Variants in RHOBTB1 observed in about 807,000 individuals in gnomAD.
The protein encoded by RHOBTB1 is rho-related BTB domain-containing protein 1.
A neutral mutation model predicts 71.6 loss-of-function variants in RHOBTB1; 40 were observed. The observed-to-expected ratio is 0.56, with a 90% confidence interval of 0.43 to 0.73. The LOEUF (loss-of-function observed/expected upper bound fraction) is 0.73, where lower values mean the gene tolerates loss of function less well. Ranked by LOEUF, RHOBTB1 falls within the 30% of genes least tolerant of loss-of-function variation. The pLI is 0.00. For synonymous variants in RHOBTB1, 319 were observed against 334.9 expected (o/e 0.95, Z 0.52); for missense variants, 797 against 894.0 (o/e 0.89, Z 1.38).
intron 1 of RHOBTB1, among the ~76,000 whole-genome samples, chr10:60,986,199 TACTTA>T (rs993017763): frequency 5.3e-5 from 8 of 151,962 alleles, no homozygotes; most frequent in Non-Finnish European, 1.2e-4. Flanking sequence ...GAACTTTAAG[TACTTA>T]ACTTCCTGGT....
At chr10:60,906,571 T>C (rs2082688084) in intron 4 of RHOBTB1, among the ~76,000 whole-genome samples, 2 of 152,202 alleles carry the variant, frequency 1.3e-5, no homozygotes, top group African/African-American at 4.8e-5. Context: ...GTCCTGGCTG[T>C]CTGACCTTGG....
intron 2 of RHOBTB1, among the ~76,000 whole-genome samples, chr10:60,962,435 C>T (rs140785192): frequency 1.1e-4 from 17 of 152,238 alleles, no homozygotes; most frequent in Non-Finnish European, 2.1e-4. Flanking sequence ...AGGTTTGTCT[C>T]AAATTGCAAA....
At position 60,944,098 on chromosome 10, in the gene RHOBTB1, C is replaced by G. The variant is rs12249886; in HGVS notation, c.-189G>C. 1.3e-5 allele frequency: 2 copies of G among 151,666 alleles called. No individual in the cohort carries two copies. The highest frequency in any genetic ancestry group is 4.8e-5 in the African/African-American group (2 of 41,356). 9.4% of individuals were successfully genotyped at this position (151,666 alleles called of 1,614,324 possible). A position where few individuals can be genotyped will look rare whatever the true frequency, so the allele number is the denominator to read the frequency against. ...GTGTGCGGGGCCCCTGCGCGCGGCG[C>G]GCCGCCCGCCGCCCAACTTTGCACA... On this transcript the variant is annotated 5_prime_UTR_variant, in exon 1 of 11. Transcript: ENST00000337910.
Position 60,871,509 on chromosome 10 carries a change from G to A in RHOBTB1, c.2064C>T (p.Phe688=), listed in dbSNP as rs375325793. 2 of 1,613,866 alleles carry A rather than the reference G, an allele frequency of 1.2e-6. No homozygotes were observed. The highest frequency in any genetic ancestry group is 2.7e-5 in the African/African-American group (2 of 74,886). ...AGGCCACTGCTGGAGATGAATTCCA[G>A]AAGCACCACTTTCGTCTTGAGCGAT... ...NKHRSRRKWC[F]WNSSPAVA The change falls in exon 11 of 11, where the codon TTC becomes TTT. Residue 688 remains phenylalanine (F), a synonymous_variant. Transcript: ENST00000337910.
chr10:60,886,728 G>T (rs748412976), intron 6 of RHOBTB1, among the ~76,000 whole-genome samples: 1 of 86,622 alleles, frequency 1.2e-5, no homozygotes, highest in African/African-American at 4.4e-5. Flanking sequence ...GGGGGGGGGT[G>T]GGTCTGGCTA....
chr10:60,946,795 AC>A (rs1215421880), upstream of RHOBTB1, among the ~76,000 whole-genome samples: 3 of 152,216 alleles, frequency 2.0e-5, no homozygotes, highest in African/African-American at 4.8e-5. Context: ...CCCCCAGGGC[AC>A]ACCAAGGCTC....
At chr10:60,989,116 A>C (rs1276499966) in intron 1 of RHOBTB1, among the ~76,000 whole-genome samples, 1 of 152,222 alleles carries the variant, frequency 6.6e-6, no homozygotes, top group African/African-American at 2.4e-5. Flanking sequence ...CCATTTTAGA[A>C]AATATTTTTT....
chr10:60,918,751 C>CTTTT (rs113890954), intron 2 of RHOBTB1, among the ~76,000 whole-genome samples: 2 of 144,614 alleles, frequency 1.4e-5, no homozygotes, highest in African/African-American at 5.1e-5. Flanking sequence ...TTTTCTTTTT[C>CTTTT]TTTTTTTTTT....
intron 1 of RHOBTB1, among the ~76,000 whole-genome samples, chr10:61,000,742 T>C (rs1217750113): frequency 1.3e-5 from 2 of 152,122 alleles, no homozygotes; most frequent in Non-Finnish European, 1.5e-5. Flanking sequence ...TCAAACTTTG[T>C]ATGAGTGCTC....
chr10:60,995,865 C>T (rs2087030843), intron 1 of RHOBTB1, among the ~76,000 whole-genome samples: 1 of 151,856 alleles, frequency 6.6e-6, no homozygotes, highest in Admixed American at 6.6e-5. Context: ...AAATCAGGTT[C>T]AAGCAGGTTG....
At chr10:60,940,893 T>C (rs1292075018) in intron 2 of RHOBTB1, among the ~76,000 whole-genome samples, 3 of 152,238 alleles carry the variant, frequency 2.0e-5, no homozygotes, top group East Asian at 3.8e-4. Context: ...TCTTGATTTA[T>C]TCTCTATTGT....
At chr10:60,894,230 T>C (rs1319611675) in intron 4 of RHOBTB1, among the ~76,000 whole-genome samples, 1 of 152,194 alleles carries the variant, frequency 6.6e-6, no homozygotes, top group Non-Finnish European at 1.5e-5. Flanking sequence ...ACATTAAATG[T>C]AATTCACAAG....
chr10:61,001,364 TCCCGC>T (rs1483522225), intron 1 of RHOBTB1: 1 of 149,146 alleles, frequency 6.7e-6, no homozygotes, highest in African/African-American at 2.5e-5. Context: ...CCGGGCGCGC[TCCCGC>T]CCCGCCACGC....
chr10:60,919,389 A>G (rs1051928554), intron 2 of RHOBTB1, among the ~76,000 whole-genome samples: 1 of 152,244 alleles, frequency 6.6e-6, no homozygotes, highest in African/African-American at 2.4e-5. Context: ...CCAAGTTTCG[A>G]TTGTGCAGAT....
intron 2 of RHOBTB1, among the ~76,000 whole-genome samples, chr10:60,978,836 T>C (rs190731171): frequency 2.6e-5 from 4 of 152,326 alleles, no homozygotes. Flanking sequence ...ACATTGTCAA[T>C]GTCCCTTTGA....
chr10:60,952,921 C>G (rs969279261), intron 2 of RHOBTB1, among the ~76,000 whole-genome samples: 1 of 152,102 alleles, frequency 6.6e-6, no homozygotes, highest in East Asian at 1.9e-4. Context: ...GCCCTCACAA[C>G]CACAAATTCA....
rs1163587669 is a variant in RHOBTB1, at chr10:60,871,464, T to G, written c.*18A>C. 1.2e-6 allele frequency: 2 copies of G among 1,606,392 alleles called. No homozygotes were observed. The highest frequency in any genetic ancestry group is 2.7e-5 in the African/African-American group (2 of 74,312). On this transcript the variant is annotated 3_prime_UTR_variant, in exon 11 of 11. Transcript: ENST00000337910. ...ATTACCGATTGGTTTCTGTTTTTTG[T>G]TTTTTTTCTCTTCCTCTTCAGGCCA...
intron 2 of RHOBTB1, among the ~76,000 whole-genome samples, chr10:60,977,275 T>C (rs1025431604): frequency 6.6e-6 from 1 of 152,036 alleles, no homozygotes; most frequent in African/African-American, 2.4e-5. Context: ...ATTTTACTTA[T>C]AGCTCAATAT....
At chr10:60,907,317 A>G (rs1589259560) in intron 4 of RHOBTB1, among the ~76,000 whole-genome samples, 1 of 152,334 alleles carries the variant, frequency 6.6e-6, no homozygotes, top group East Asian at 1.9e-4. Flanking sequence ...AAATGTGGAC[A>G]TTTCATTTTT....
Sources: allele counts gnomAD v4.1 joint callset (sites outside exome capture counted in the v4.1 genomes callset), GRCh38; gene constraint gnomAD v4.1.1; transcripts MANE v1.5; gene names NCBI Gene and HGNC (gene_info 2026-07-23, HGNC 2026-07-21).